ZMYM4: variants seen among roughly 807,000 people sequenced by gnomAD.
ZMYM4 encodes the protein zinc finger MYM-type containing 4.
Under a neutral mutation model 183.2 loss-of-function variants are expected in ZMYM4, and 31 were observed. The ratio of observed to expected loss-of-function variants is 0.17; its 90% CI spans 0.13 to 0.23. ZMYM4 has a LOEUF of 0.23. Among genes scored for constraint, ZMYM4 ranks in the 10% least tolerant of loss-of-function variants. The pLI is 1.00. For missense variants in ZMYM4, 1,273 were observed against 1,840.3 expected, an observed-to-expected ratio of 0.69 and a Z score of 5.64; for synonymous variants, 592 against 631.2, an observed-to-expected ratio of 0.94 and a Z score of 0.93.
rs190892556 is a variant in ZMYM4, at chr1:35,412,920, T to C, written c.3949-1052T>C. On this transcript the variant is annotated intron_variant, in intron 26 of 29. Transcript: ENST00000314607. ...AGAAACCAAGATAGCCACAGAAATA[T>C]AAATTAAAAATACTAAACCTTAAAA... Among the ~76,000 whole-genome samples the C allele has an allele frequency of 7.2e-5, 11 of 152,198 alleles. No individual in the cohort carries two copies. The East Asian group carries it at 1.9e-3, about 27-fold the overall frequency.
intron 1 of ZMYM4, among the ~76,000 whole-genome samples, chr1:35,299,146 G>A (rs1026380703): frequency 2.0e-5 from 3 of 151,796 alleles, no homozygotes; most frequent in Admixed American, 1.3e-4. Flanking sequence ...GGGATTACAG[G>A]TATGCACCAC....
At chr1:35,305,123 C>T (rs1641475255) in intron 1 of ZMYM4, among the ~76,000 whole-genome samples, 3 of 152,142 alleles carry the variant, frequency 2.0e-5, no homozygotes, top group South Asian at 2.1e-4. Flanking sequence ...GGATTACAGG[C>T]GTGAGCGACT....
chr1:35,300,012 G>A (rs1641205674), intron 1 of ZMYM4, among the ~76,000 whole-genome samples: 1 of 152,044 alleles, frequency 6.6e-6, no homozygotes, highest in Non-Finnish European at 1.5e-5. Flanking sequence ...CGCCAGGATG[G>A]TCTCGATCTC....
chr1:35,380,314 T>TTTATTTA (rs576642893), intron 7 of ZMYM4, among the ~76,000 whole-genome samples: 13 of 151,310 alleles, frequency 8.6e-5, no homozygotes, highest in South Asian at 8.3e-4. Flanking sequence ...TATTTATTTA[T>TTTATTTA]TTTATTTATT....
At chr1:35,408,833 AGG>A in intron 26 of ZMYM4, among the ~76,000 whole-genome samples, 2 of 152,236 alleles carry the variant, frequency 1.3e-5, no homozygotes, top group Non-Finnish European at 2.9e-5. Context: ...GCAATTCAGT[AGG>A]ACTAATAAGT....
intron 1 of ZMYM4, among the ~76,000 whole-genome samples, chr1:35,269,358 C>T (rs939732926): frequency 4.6e-5 from 7 of 151,082 alleles, no homozygotes; most frequent in Admixed American, 2.6e-4. Context: ...GATATCTAGG[C>T]CCAGGGAGGG....
At chr1:35,311,898 CT>C (rs1055461391) in intron 1 of ZMYM4, among the ~76,000 whole-genome samples, 1 of 151,054 alleles carries the variant, frequency 6.6e-6, no homozygotes, top group Non-Finnish European at 1.5e-5. Flanking sequence ...TTTCTTTTTC[CT>C]TTTTTTTCGA....
chr1:35,305,349 A>G (rs910813447), intron 1 of ZMYM4, among the ~76,000 whole-genome samples: 2 of 152,062 alleles, frequency 1.3e-5, no homozygotes, highest in African/African-American at 4.8e-5. Context: ...TGCTTCATGT[A>G]TTTTGAAGTT....
At chr1:35,386,035 G>A in intron 10 of ZMYM4, 39 bp from the exon 11 acceptor site, 2 of 1,412,066 alleles carry the variant, frequency 1.4e-6, no homozygotes, top group African/African-American at 1.4e-5. Context: ...GTGTACATTT[G>A]TACATATTAC....
chr1:35,338,843 T>C (rs1195768405), intron 2 of ZMYM4, among the ~76,000 whole-genome samples: 1 of 152,276 alleles, frequency 6.6e-6, no homozygotes, highest in Non-Finnish European at 1.5e-5. Context: ...ATTCTCTAAA[T>C]GTTCTGAACA....
intron 3 of ZMYM4, 108 bp downstream of exon 3, chr1:35,359,554 A>G: frequency 1.8e-6 from 2 of 1,103,774 alleles, no homozygotes; most frequent in East Asian, 2.8e-5. Context: ...GGTTAAATTC[A>G]TTGTAAGCTT....
chr1:35,357,077 A>G (rs1046432324), intron 2 of ZMYM4, among the ~76,000 whole-genome samples: 1 of 151,972 alleles, frequency 6.6e-6, no homozygotes, highest in African/African-American at 2.4e-5. Context: ...TTTTGTAGAG[A>G]TGGGCTTTTG....
intron 2 of ZMYM4, among the ~76,000 whole-genome samples, chr1:35,351,864 G>A (rs968007234): frequency 1.3e-5 from 2 of 152,086 alleles, no homozygotes; most frequent in Non-Finnish European, 2.9e-5. Context: ...AAAGAATGGC[G>A]GTTGACTTTA....
At chr1:35,300,069 A>G (rs1239747507) in intron 1 of ZMYM4, among the ~76,000 whole-genome samples, 1 of 142,886 alleles carries the variant, frequency 7.0e-6, no homozygotes, top group Non-Finnish European at 1.5e-5. Flanking sequence ...TGCTGGGATT[A>G]CAGGCATGAG....
At chr1:35,355,705 A>AT (rs1420987732) in intron 2 of ZMYM4, among the ~76,000 whole-genome samples, 1 of 151,838 alleles carries the variant, frequency 6.6e-6, no homozygotes, top group Non-Finnish European at 1.5e-5. Context: ...TTTATTCTGG[A>AT]TTTTTTTGGT....
At chr1:35,398,384 A>C (rs762806351) in intron 20 of ZMYM4, 29 bp from the exon 21 acceptor site, 3 of 1,596,748 alleles carry the variant, frequency 1.9e-6, no homozygotes, top group Non-Finnish European at 1.7e-6. Context: ...CTAAACATAA[A>C]TTATTTATGT....
rs544185438 is a variant in ZMYM4 at position 35,413,921 on chromosome 1, CTCATGT to C, written c.3949-49_3949-44del. On this transcript the variant is annotated intron_variant, in intron 26 of 29. Coordinates refer to ENST00000314607, the MANE Select transcript of ZMYM4 (RefSeq NM_005095.3). ...ATTTCTTACAATAATTTTTTAAGAA[CTCATGT>C]TTTCTTTTTATCAACATGTATATTT... 166 of 1,075,086 alleles carry C rather than the reference CTCATGT, an allele frequency of 1.5e-4. 1 individual carries two copies. In the East Asian group the frequency reaches 2.9e-3, roughly 19 times the overall value. The allele number at this position is 1,075,086 out of a possible 1,614,324, so 66.6% of individuals were successfully genotyped here. A position where few individuals can be genotyped will look rare whatever the true frequency, so the allele number is the denominator to read the frequency against.
At chr1:35,382,173 TACACACATACACACACACAC>T (rs927799136) in intron 9 of ZMYM4, among the ~76,000 whole-genome samples, 2 of 121,148 alleles carry the variant, frequency 1.7e-5, no homozygotes, top group African/African-American at 7.9e-5. Context: ...AATGTATATA[TACACACATACACACACACAC>T]ACACACACAC....
intron 1 of ZMYM4, among the ~76,000 whole-genome samples, chr1:35,299,801 T>TC (rs1641192200): frequency 6.6e-6 from 1 of 151,884 alleles, no homozygotes; most frequent in South Asian, 2.1e-4. Context: ...TCTTTTCTTT[T>TC]TTTTTTTTTA....
Sources: gnomAD v4.1 joint callset for allele counts (sites outside exome capture counted in the v4.1 genomes callset) on GRCh38, gnomAD v4.1.1 for gene constraint, MANE v1.5 for transcripts, NCBI Gene and HGNC (gene_info 2026-07-23, HGNC 2026-07-21) for gene names.